The following SNTB1 variants were observed in gnomAD, a reference collection of about 807,000 sequenced individuals.
The protein encoded by SNTB1 is beta-1-syntrophin.
In SNTB1, 36 loss-of-function variants were observed where a neutral mutation model predicts 48.9. The observed-to-expected ratio is 0.74, with a 90% CI of 0.56 to 0.97. The LOEUF (loss-of-function observed/expected upper bound fraction) is 0.97. Among genes scored for constraint, SNTB1 ranks in the 50% least tolerant of loss-of-function variants. SNTB1 has a pLI of 0.00. For missense variants in SNTB1, 786 were observed against 703.4 expected (o/e 1.12, Z -1.33); for synonymous variants, 299 against 294.6 (o/e 1.01, Z -0.15).
chr8:120,678,069 G>T (rs1183753257), intron 2 of SNTB1, among the ~76,000 whole-genome samples: 1 of 152,058 alleles, frequency 6.6e-6, no homozygotes, highest in Non-Finnish European at 1.5e-5. Flanking sequence ...CTGGGAGAGG[G>T]TTTTATTCTA....
At chr8:120,592,201 A>G (rs1171482564) in intron 3 of SNTB1, among the ~76,000 whole-genome samples, 1 of 151,832 alleles carries the variant, frequency 6.6e-6, no homozygotes, top group Non-Finnish European at 1.5e-5. Context: ...TTTTTCCAAG[A>G]GAGAGGGCCT....
chr8:120,559,401 T>C (rs1242476599), intron 4 of SNTB1, among the ~76,000 whole-genome samples: 1 of 152,252 alleles, frequency 6.6e-6, no homozygotes, highest in African/African-American at 2.4e-5. Flanking sequence ...GACTTGTACA[T>C]AAATGCGTCC....
rs932122985 is a variant in SNTB1 at position 120,551,680 on chromosome 8, C to A, written c.1137-2722G>T. 2.1e-5 allele frequency among the ~76,000 whole-genome samples: 3 copies of A among 143,702 alleles called. No homozygotes were observed. The South Asian group carries it at 6.6e-4, about 32-fold the overall frequency. The allele number at this position is 143,702 out of a possible 152,430, so 94.3% of individuals were successfully genotyped here. A position where few individuals can be genotyped will look rare whatever the true frequency, so the allele number is the denominator to read the frequency against. ...GGCAGAGGTTGCAGTGAGCCAAGAT[C>A]GCACCACTGCACTCCAGCCTGAGCG... On this transcript the variant is annotated intron_variant, in intron 4 of 6. Coordinates refer to ENST00000517992, the MANE Select transcript of SNTB1 (RefSeq NM_021021.4).
At chr8:120,691,520 A>T (rs1035081831) in intron 2 of SNTB1, among the ~76,000 whole-genome samples, 1 of 152,204 alleles carries the variant, frequency 6.6e-6, no homozygotes, top group African/African-American at 2.4e-5. Context: ...ATTGTATTCC[A>T]TAGTAGAAGG....
At chr8:120,757,898 G>A (rs947625236) in intron 1 of SNTB1, among the ~76,000 whole-genome samples, 1 of 152,146 alleles carries the variant, frequency 6.6e-6, no homozygotes, top group Non-Finnish European at 1.5e-5. Context: ...CATGTTTTTC[G>A]CTAAGTGGGA....
chr8:120,662,977 C>T (rs2129755449), intron 2 of SNTB1, among the ~76,000 whole-genome samples: 1 of 131,910 alleles, frequency 7.6e-6, no homozygotes, highest in East Asian at 2.2e-4. Context: ...TCAAAGAGCT[C>T]ACTGTCCACA....
intron 1 of SNTB1, among the ~76,000 whole-genome samples, chr8:120,703,874 A>G (rs1356812776): frequency 6.6e-6 from 1 of 152,256 alleles, no homozygotes; most frequent in Non-Finnish European, 1.5e-5. Context: ...TGTGTAAAGT[A>G]TGCTCATTAG....
At chr8:120,808,235 C>G (rs1563609612) in intron 1 of SNTB1, among the ~76,000 whole-genome samples, 1 of 152,112 alleles carries the variant, frequency 6.6e-6, no homozygotes, top group Non-Finnish European at 1.5e-5. Context: ...ATGCAAAAAA[C>G]TTAATGTCTG....
intron 2 of SNTB1, among the ~76,000 whole-genome samples, chr8:120,652,064 C>A (rs1817418986): frequency 6.6e-6 from 1 of 152,092 alleles, no homozygotes; most frequent in South Asian, 2.1e-4. Context: ...GTTCCAGGCG[C>A]ATTTATCATG....
intron 3 of SNTB1, among the ~76,000 whole-genome samples, chr8:120,594,687 T>C (rs184244821): frequency 1.3e-5 from 2 of 152,332 alleles, no homozygotes; most frequent in East Asian, 3.9e-4. Flanking sequence ...CATGTCTTAA[T>C]GTATAAATCT....
At chr8:120,688,089 T>C (rs1314400659) in intron 2 of SNTB1, among the ~76,000 whole-genome samples, 1 of 152,186 alleles carries the variant, frequency 6.6e-6, no homozygotes, top group Non-Finnish European at 1.5e-5. Flanking sequence ...CTGTGAATGT[T>C]TCATTTGTGC....
chr8:120,741,114 G>T (rs928055256), intron 1 of SNTB1, among the ~76,000 whole-genome samples: 4 of 152,204 alleles, frequency 2.6e-5, no homozygotes, highest in African/African-American at 9.6e-5. Context: ...TTGGTGTCCA[G>T]TGTATCCACT....
chr8:120,614,465 T>A (rs1290893378), intron 3 of SNTB1, among the ~76,000 whole-genome samples: 1 of 152,232 alleles, frequency 6.6e-6, no homozygotes, highest in Non-Finnish European at 1.5e-5. Context: ...ACCACTGCCT[T>A]TTGAAAACTT....
chr8:120,633,175 G>A (rs1178567823), intron 2 of SNTB1, among the ~76,000 whole-genome samples: 1 of 152,148 alleles, frequency 6.6e-6, no homozygotes, highest in Non-Finnish European at 1.5e-5. Flanking sequence ...AATCGAAGAT[G>A]ACCAAACTTT....
At chr8:120,624,623 T>G (rs1816846487) in intron 3 of SNTB1, among the ~76,000 whole-genome samples, 1 of 152,138 alleles carries the variant, frequency 6.6e-6, no homozygotes. Flanking sequence ...AAAATTCATG[T>G]CCTCCTCACA....
chr8:120,699,298 G>A (rs1316082523), intron 1 of SNTB1, among the ~76,000 whole-genome samples: 1 of 152,232 alleles, frequency 6.6e-6, no homozygotes, highest in African/African-American at 2.4e-5. Flanking sequence ...CAAATCTCAT[G>A]TTGAAATGTA....
chr8:120,788,323 G>A (rs1003136745), intron 1 of SNTB1, among the ~76,000 whole-genome samples: 3 of 152,024 alleles, frequency 2.0e-5, no homozygotes, highest in African/African-American at 4.8e-5. Context: ...AGACAAGTAA[G>A]AAAACAAAGT....
rs1820429726 is a variant in SNTB1 at position 120,811,419 on chromosome 8, A to T, written c.425T>A (p.Ile142Asn). Residue 142 changes from isoleucine (I) to asparagine (N), a missense_variant, in exon 1 of 7, where the codon ATC (isoleucine) becomes AAC (asparagine). By Grantham distance (149) the Ile-to-Asn change is moderately radical. Transcript: ENST00000517992. Reference protein sequence around the residue: ...ENKMPILISKIFKGLAADQTQ... With the variant: ...ENKMPILISKNFKGLAADQTQ... ...CTGGTCCGCCGCCAGCCCCTTGAAG[A>T]TCTTGCTGATGAGGATGGGCATCTT... 1 of 1,613,868 alleles carries T rather than the reference A, an allele frequency of 6.2e-7. No homozygotes were observed. The highest frequency in any genetic ancestry group is 8.5e-7 in the Non-Finnish European group (1 of 1,179,892).
At chr8:120,636,011 C>A in intron 2 of SNTB1, 1 of 981,512 alleles carries the variant, frequency 1.0e-6, no homozygotes, top group Non-Finnish European at 1.4e-6. Flanking sequence ...ACCAGAAGAT[C>A]TTTTGCAAGA....
Sources: allele counts gnomAD v4.1 joint callset (sites outside exome capture counted in the v4.1 genomes callset), GRCh38; gene constraint gnomAD v4.1.1; transcripts MANE v1.5; gene names NCBI Gene and HGNC (gene_info 2026-07-23, HGNC 2026-07-21).